Variants in IL4I1 observed in about 807,000 individuals in gnomAD.
The protein encoded by IL4I1 is L-amino-acid oxidase.
Under a neutral mutation model 29.7 loss-of-function variants are expected in IL4I1, and 24 were observed. The observed-to-expected ratio is 0.81, with a 90% CI of 0.59 to 1.14. The LOEUF (loss-of-function observed/expected upper bound fraction) is 1.14. Among genes scored for constraint, IL4I1 ranks in the 50% most tolerant of loss-of-function variants. The pLI is 0.00. For synonymous variants in IL4I1, 371 were observed against 352.5 expected (o/e 1.05, Z -0.59); for missense variants, 686 against 785.6 (o/e 0.87, Z 1.52).
rs768245215 is a variant in IL4I1, at chr19:49,890,117, C to A, written c.1257G>T (p.Ala419=). ...GLSREEALRL[A]LDDVAALHGP... is the part of the protein sequence containing the mutation. ...CGTGCAATGCCGCCACGTCGTCGAG[C>A]GCCAAGCGCAACGCCTCTTCCCGGC... The change falls in exon 8 of 8, where the codon GCG becomes GCT. Residue 419 remains alanine (A), a synonymous_variant. Coordinates refer to ENST00000391826, the MANE Select transcript of IL4I1 (RefSeq NM_152899.2). The A allele has an allele frequency of 6.5e-7, 1 of 1,543,694 alleles. No homozygotes were observed. The highest frequency in any genetic ancestry group is 1.2e-5 in the South Asian group (1 of 84,028).
At chr19:49,919,833 T>C (rs570659939) in intron 2 of IL4I1, among the ~76,000 whole-genome samples, 1 of 152,302 alleles carries the variant, frequency 6.6e-6, no homozygotes, top group African/African-American at 2.4e-5. Context: ...ATTTGAGGAA[T>C]ACTCTGGTGC....
rs1240832444 is a variant in IL4I1 at position 49,925,959 on chromosome 19, C to CCAG, written c.-228+1732_-228+1734dup. ...GGTACGGTGGCTCACACCTGTAATC[C>CCAG]CAGCACTTTGGGAGGCTGAGGCAGG... On this transcript the variant is annotated intron_variant, in intron 2 of 9. Transcript: ENST00000341114. Among the ~76,000 whole-genome samples the CCAG allele has an allele frequency of 2.6e-5, 4 of 152,064 alleles. No homozygotes were observed. In the East Asian group the frequency reaches 7.7e-4, roughly 29 times the overall value.
rs763809969 is a variant in IL4I1, at chr19:49,909,055, A to C, written c.-227-4734T>G. On this transcript the variant is annotated intron_variant, in intron 2 of 9. Coordinates refer to the IL4I1 transcript ENST00000341114. ...CCTTTAAGCTGAAGCCCTGTGTCCC[A>C]GCAGTGGGGGCGCCCGCTGTGGTCA... 7 of 1,613,098 alleles carry C rather than the reference A, an allele frequency of 4.3e-6. No individual in the cohort carries two copies. Among genetic ancestry groups the C allele is most frequent in the Non-Finnish European group, 5.9e-6 (7 of 1,180,034 alleles).
intron 2 of IL4I1, among the ~76,000 whole-genome samples, chr19:49,912,014 G>C (rs113419451): frequency 6.6e-6 from 1 of 152,222 alleles, no homozygotes; most frequent in Non-Finnish European, 1.5e-5. Context: ...ACACATCTCA[G>C]TTCTCAAGAA....
intron 2 of IL4I1, among the ~76,000 whole-genome samples, chr19:49,926,706 T>C (rs1481304504): frequency 2.6e-5 from 4 of 152,190 alleles, no homozygotes; most frequent in Admixed American, 1.3e-4. Context: ...CAAAAATCTA[T>C]ACAGCAATGG....
At chr19:49,906,436 C>CT in intron 2 of IL4I1, among the ~76,000 whole-genome samples, 4 of 151,894 alleles carry the variant, frequency 2.6e-5, no homozygotes, top group African/African-American at 9.7e-5. Flanking sequence ...GGTCTTGAAT[C>CT]CCTGACCTCA....
At chr19:49,926,513 C>A (rs1324090799) in intron 2 of IL4I1, among the ~76,000 whole-genome samples, 1 of 150,762 alleles carries the variant, frequency 6.6e-6, no homozygotes, top group African/African-American at 2.4e-5. Flanking sequence ...CTGGGCGACA[C>A]AGCAAGACTC....
intron 5 of IL4I1, among the ~76,000 whole-genome samples, chr19:49,893,373 G>A (rs1167832537): frequency 1.3e-5 from 2 of 151,408 alleles, no homozygotes; most frequent in African/African-American, 4.9e-5. Context: ...GGTGGGCACT[G>A]ATGGTGGGGG....
chr19:49,920,395 T>C (rs1600543991), intron 2 of IL4I1, among the ~76,000 whole-genome samples: 1 of 152,198 alleles, frequency 6.6e-6, no homozygotes, highest in East Asian at 1.9e-4. Flanking sequence ...AGTTTCTTTT[T>C]AGCGTGATGA....
rs574014123 is a variant in IL4I1 at position 49,908,817 on chromosome 19, C to T, written c.-227-4496G>A. 8.2e-5 allele frequency: 133 copies of T among 1,613,430 alleles called. No individual in the cohort carries two copies. Among genetic ancestry groups the T allele is most frequent in the Middle Eastern group, 1.6e-4 (1 of 6,084 alleles). ...TTGTTGATCAGGCTCTCCAGCTGCG[C>T]GTAGGTCATGGCGGAGCTGGCAGCC... is the stretch of plus-strand genomic sequence containing the variant. On this transcript the variant is annotated intron_variant, in intron 2 of 9. Transcript: ENST00000341114.
upstream of IL4I1, among the ~76,000 whole-genome samples, chr19:49,899,545 T>G (rs1278513790): frequency 2.7e-5 from 4 of 148,862 alleles, no homozygotes; most frequent in Non-Finnish European, 3.0e-5. Flanking sequence ...CTACCACACC[T>G]GTTTTTTGTT....
chr19:49,915,699 CA>C (rs1468131510), intron 2 of IL4I1, among the ~76,000 whole-genome samples: 4 of 152,188 alleles, frequency 2.6e-5, no homozygotes, highest in Non-Finnish European at 4.4e-5. Context: ...GGGCTGGGGT[CA>C]GGGGCAGGTC....
chr19:49,913,724 T>C (rs1427786640), intron 2 of IL4I1, among the ~76,000 whole-genome samples: 2 of 152,150 alleles, frequency 1.3e-5, no homozygotes, highest in African/African-American at 2.4e-5. Context: ...TGACTGTGAG[T>C]AGAAAGCTTT....
Position 49,889,994 on chromosome 19 carries a change from C to T in IL4I1, c.1380G>A (p.Ala460=). ...AGTCATCCTTTTCGGTTTGCCAGAG[C>T]GCCGGCGGCTGTACCACAAAGCCAC... is the stretch of plus-strand genomic sequence containing the variant. ...SQGGFVVQPP[A]LWQTEKDDWT... is the part of the protein sequence containing the mutation. Residue 460 remains alanine (A), a synonymous_variant, in exon 8 of 8, where the codon GCG becomes GCA. Transcript: ENST00000391826. 6.4e-7 allele frequency: 1 copy of T among 1,559,332 alleles called. No individual in the cohort carries two copies.
upstream of IL4I1, among the ~76,000 whole-genome samples, chr19:49,897,444 CCT>C (rs1279107152): frequency 2.0e-5 from 3 of 150,434 alleles, no homozygotes; most frequent in African/African-American, 7.4e-5. Flanking sequence ...CCCGCCCTCC[CCT>C]CTGTGGCTCT....
At chr19:49,907,837 T>C (rs546501513) in intron 2 of IL4I1, 135 of 333,882 alleles carry the variant, frequency 4.0e-4, no homozygotes, top group Non-Finnish European at 6.8e-4. Flanking sequence ...CGCCCTGACT[T>C]GGAGGTTCTC....
chr19:49,891,191 C>T (rs2122503545), intron 6 of IL4I1, 84 bp from the exon 7 acceptor site: 1 of 1,551,050 alleles, frequency 6.4e-7, no homozygotes, highest in Admixed American at 1.8e-5. Flanking sequence ...CCTCCTGGTC[C>T]CATGACATGT....
At chr19:49,909,115 T>A (rs2075394412) in intron 2 of IL4I1, 2 of 1,612,228 alleles carry the variant, frequency 1.2e-6, no homozygotes, top group Non-Finnish European at 8.5e-7. Context: ...TGGTGGCAGA[T>A]GAGGTTGGAG....
rs34772569 is a variant in IL4I1, at chr19:49,921,997, C to T, written c.-228+5697G>A. 0.015 allele frequency among the ~76,000 whole-genome samples: 2,280 copies of T among 152,306 alleles called. 18 individuals carry two copies. Among genetic ancestry groups the T allele is most frequent in the Non-Finnish European group, 0.023 (1,587 of 68,016 alleles). Reference sequence around the variant, plus strand: ...CCTAGGGCCCCAGGCCAGGCCACCACGACCACGAGGGACCAAGACAACAAG... The same window carrying T: ...CCTAGGGCCCCAGGCCAGGCCACCATGACCACGAGGGACCAAGACAACAAG... On this transcript the variant is annotated intron_variant, in intron 2 of 9. Transcript: ENST00000341114. The surrounding 1 kb of genome is among the most constrained non-coding windows in gnomAD (Gnocchi z 5.4).
Sources: allele counts gnomAD v4.1 joint callset (sites outside exome capture counted in the v4.1 genomes callset), GRCh38; gene constraint gnomAD v4.1.1; non-coding constraint Gnocchi (gnomAD v3.1); transcripts MANE v1.5; gene names NCBI Gene and HGNC (gene_info 2026-07-23, HGNC 2026-07-21).